The following UNC13C variants were observed in gnomAD, a reference collection of about 807,000 sequenced individuals.
UNC13C encodes the protein protein unc-13 homolog C.
Under a neutral mutation model 245.4 loss-of-function variants are expected in UNC13C, and 174 were observed. The ratio of observed to expected loss-of-function variants is 0.71; its 90% CI spans 0.63 to 0.80. The LOEUF (loss-of-function observed/expected upper bound fraction) is 0.80, where lower values mean the gene tolerates loss of function less well. Ranked by LOEUF, UNC13C falls within the 30% of genes least tolerant of loss-of-function variation. The pLI, the probability that UNC13C is intolerant of heterozygous loss-of-function variation, is 0.00. For synonymous variants in UNC13C, 992 were observed against 895.1 expected (o/e 1.11, Z -1.93); for missense variants, 2,829 against 2,602.9 (o/e 1.09, Z -1.89).
chr15:54,049,513 T>A (rs1310114112), intron 2 of UNC13C: 6 of 321,396 alleles, frequency 1.9e-5, no homozygotes, highest in Non-Finnish European at 3.1e-5. Context: ...CATGATGGAA[T>A]TCCAATAAGT....
chr15:53,941,192 C>A, the UNC13C span, among the ~76,000 whole-genome samples: 7 of 152,024 alleles, frequency 4.6e-5, no homozygotes, highest in African/African-American at 1.7e-4. Flanking sequence ...CTGGCAAAAG[C>A]AATGAGAAAA....
At chr15:54,025,646 G>A (rs978511948) in intron 2 of UNC13C, among the ~76,000 whole-genome samples, 5 of 152,116 alleles carry the variant, frequency 3.3e-5, no homozygotes, top group African/African-American at 1.2e-4. Flanking sequence ...AAGTGTCGGT[G>A]TTCAACTATA....
chr15:54,448,964 G>A (rs1247147102), intron 19 of UNC13C, among the ~76,000 whole-genome samples: 1 of 152,168 alleles, frequency 6.6e-6, no homozygotes, highest in African/African-American at 2.4e-5. Context: ...TTGCAGGGCA[G>A]GCCTGGTGAT....
At chr15:54,101,742 C>T (rs1036953302) in intron 2 of UNC13C, among the ~76,000 whole-genome samples, 2 of 151,956 alleles carry the variant, frequency 1.3e-5, no homozygotes, top group Admixed American at 6.6e-5. Context: ...CGCACCACCG[C>T]ACCCAGCTAG....
At chr15:54,091,971 C>G (rs1274301267) in intron 2 of UNC13C, among the ~76,000 whole-genome samples, 1 of 152,220 alleles carries the variant, frequency 6.6e-6, no homozygotes, top group Non-Finnish European at 1.5e-5. Flanking sequence ...CAGTTACTCA[C>G]AAGTTTGATA....
intron 30 of UNC13C, among the ~76,000 whole-genome samples, chr15:54,606,508 G>A (rs933520921): frequency 1.3e-5 from 2 of 152,144 alleles, no homozygotes; most frequent in Admixed American, 1.3e-4. Flanking sequence ...TAAAAAGAAA[G>A]AAACTTGAGC....
At chr15:53,906,749 T>TAATTTATAA in the UNC13C span, among the ~76,000 whole-genome samples, 1 of 152,188 alleles carries the variant, frequency 6.6e-6, no homozygotes, top group Non-Finnish European at 1.5e-5. Flanking sequence ...CGAGATTGGG[T>TAATTTATAA]AATTTATAAA....
rs3985784 is a variant in UNC13C, at chr15:54,080,006, G to GTTTTTTTTTTTTTT, written c.2984-63010_2984-62997dup. Among the ~76,000 whole-genome samples, 32 of 129,904 alleles carry GTTTTTTTTTTTTTT rather than the reference G, an allele frequency of 2.5e-4. 1 individual carries two copies. Among genetic ancestry groups the GTTTTTTTTTTTTTT allele is most frequent in the East Asian group, 4.4e-4 (2 of 4,582 alleles). The allele number at this position is 129,904 out of a possible 152,430, so 85.2% of individuals were successfully genotyped here. On this transcript the variant is annotated intron_variant, in intron 2 of 32. Transcript: ENST00000260323. ...CCTTCAAGGCCTGGTTTGTCGAGCG[G>GTTTTTTTTTTTTTT]TTTTTTTTTTTTTTTATCATAAAGT...
At chr15:54,095,935 A>G (rs772382314) in intron 2 of UNC13C, among the ~76,000 whole-genome samples, 2 of 152,214 alleles carry the variant, frequency 1.3e-5, no homozygotes, top group African/African-American at 2.4e-5. Context: ...TGAAAGACAC[A>G]CAGCACGTGT....
the UNC13C span, among the ~76,000 whole-genome samples, chr15:53,926,239 C>T: frequency 1.3e-5 from 2 of 151,494 alleles, no homozygotes; most frequent in Non-Finnish European, 2.9e-5. Context: ...TAGTCATCTT[C>T]AAGGGAGGGT....
At chr15:54,206,378 T>TC (rs1405273705) in intron 4 of UNC13C, among the ~76,000 whole-genome samples, 1 of 152,108 alleles carries the variant, frequency 6.6e-6, no homozygotes, top group African/African-American at 2.4e-5. Flanking sequence ...GGAGATTTTT[T>TC]CCCATTGGAA....
At chr15:54,056,530 C>T (rs1897532992) in intron 2 of UNC13C, among the ~76,000 whole-genome samples, 1 of 152,184 alleles carries the variant, frequency 6.6e-6, no homozygotes, top group Non-Finnish European at 1.5e-5. Context: ...AGTTGGAAAA[C>T]ATTCTGCAGG....
intron 4 of UNC13C, among the ~76,000 whole-genome samples, chr15:54,184,003 T>TA (rs1293350729): frequency 3.9e-5 from 6 of 152,108 alleles, no homozygotes; most frequent in Admixed American, 1.3e-4. Context: ...TTCACACTTT[T>TA]AAAAAGTACA....
intron 30 of UNC13C, chr15:54,611,526 G>T (rs1194538045): frequency 1.3e-5 from 2 of 152,142 alleles, no homozygotes; most frequent in East Asian, 3.9e-4. Context: ...CCATAGGTTG[G>T]CTGAGTTCTT....
intron 2 of UNC13C, among the ~76,000 whole-genome samples, chr15:54,072,972 G>T (rs1324032317): frequency 6.6e-6 from 1 of 151,988 alleles, no homozygotes; most frequent in African/African-American, 2.4e-5. Context: ...ATGGTGGTTT[G>T]CTGCACCCAT....
intron 6 of UNC13C, 137 bp downstream of exon 6, chr15:54,236,572 A>G (rs763127186): frequency 6.2e-5 from 43 of 693,330 alleles, no homozygotes; most frequent in Non-Finnish European, 9.5e-5. Context: ...TTGTTCTGCA[A>G]GAATTTAACC....
intron 2 of UNC13C, among the ~76,000 whole-genome samples, chr15:54,042,921 A>G (rs140344272): frequency 9.7e-4 from 147 of 152,244 alleles, no homozygotes; most frequent in African/African-American, 3.5e-3. Context: ...TTGAGCATCA[A>G]TGTTACGAAA....
At chr15:54,326,064 G>A (rs922726232) in intron 14 of UNC13C, among the ~76,000 whole-genome samples, 29 of 151,988 alleles carry the variant, frequency 1.9e-4, no homozygotes, top group African/African-American at 7.0e-4. Flanking sequence ...CAGAAGGAGA[G>A]GCTAGCCTTT....
intron 19 of UNC13C, 124 bp from the exon 20 acceptor site, chr15:54,494,484 A>C: frequency 1.1e-6 from 1 of 920,014 alleles, no homozygotes; most frequent in Non-Finnish European, 1.5e-6. Flanking sequence ...GCAATTCATT[A>C]TACCTTTACA....
Sources: allele counts gnomAD v4.1 joint callset (sites outside exome capture counted in the v4.1 genomes callset), GRCh38; gene constraint gnomAD v4.1.1; transcripts MANE v1.5; gene names NCBI Gene and HGNC (gene_info 2026-07-23, HGNC 2026-07-21).